The following HIVEP3 variants were observed in gnomAD, a reference collection of about 807,000 sequenced individuals.
HIVEP3 encodes transcription factor HIVEP3.
HIVEP3 carries 49 observed loss-of-function variants against 152.8 expected under a neutral mutation model. The ratio of observed to expected loss-of-function variants is 0.32; its 90% CI spans 0.26 to 0.41. HIVEP3 has a LOEUF of 0.41. HIVEP3 is among the 10% of genes least tolerant of loss of function. The probability of loss-of-function intolerance (pLI) is 1.00; values close to 1 mark genes in which losing one functional copy is unlikely to be tolerated. For synonymous variants in HIVEP3, 1,269 were observed against 1,289.0 expected (o/e 0.98, Z 0.33); for missense variants, 2,790 against 3,103.3 (o/e 0.90, Z 2.40).
intron 1 of HIVEP3, among the ~76,000 whole-genome samples, chr1:41,722,294 T>A (rs969759526): frequency 2.6e-5 from 4 of 152,236 alleles, no homozygotes; most frequent in Non-Finnish European, 4.4e-5. Flanking sequence ...AGCACAGGCC[T>A]GGGATGTAGC....
At chr1:41,932,522 T>A (rs1253113843) in intron 1 of HIVEP3, among the ~76,000 whole-genome samples, 2 of 151,900 alleles carry the variant, frequency 1.3e-5, no homozygotes, top group Non-Finnish European at 2.9e-5. Context: ...TCAGCAGTGA[T>A]GTCCCTTCTT....
intron 6 of HIVEP3, among the ~76,000 whole-genome samples, chr1:41,519,343 G>A (rs895640239): frequency 9.9e-5 from 15 of 152,174 alleles, no homozygotes; most frequent in Non-Finnish European, 1.3e-4. Flanking sequence ...TGGAATCAGG[G>A]AACAGTAGCA....
intron 3 of HIVEP3, among the ~76,000 whole-genome samples, chr1:41,623,213 G>C (rs1194712792): frequency 6.6e-6 from 1 of 152,228 alleles, no homozygotes; most frequent in Non-Finnish European, 1.5e-5. Context: ...CAGGAAGTGG[G>C]AGGCAGCAGT....
At chr1:41,858,230 C>T (rs949891241) in intron 1 of HIVEP3, among the ~76,000 whole-genome samples, 2 of 152,114 alleles carry the variant, frequency 1.3e-5, no homozygotes, top group African/African-American at 4.8e-5. Context: ...ACCTTTTCCA[C>T]CATATTGGAA....
At chr1:41,625,445 G>T (rs1373001476) in intron 3 of HIVEP3, among the ~76,000 whole-genome samples, 22 of 152,210 alleles carry the variant, frequency 1.4e-4, no homozygotes, top group Admixed American at 1.4e-3. Flanking sequence ...CAGCAGCCTG[G>T]ATTAGGCCCA....
intron 1 of HIVEP3, among the ~76,000 whole-genome samples, chr1:42,033,651 T>G (rs1645625554): frequency 6.6e-6 from 1 of 152,266 alleles, no homozygotes. Flanking sequence ...TAAGGTTTCT[T>G]GCTCAAAATC....
At chr1:41,654,870 G>T (rs1307740771) in intron 2 of HIVEP3, among the ~76,000 whole-genome samples, 1 of 152,124 alleles carries the variant, frequency 6.6e-6, no homozygotes, top group Admixed American at 6.5e-5. Flanking sequence ...TGTCCATTCT[G>T]CCCCTCATTT....
chr1:41,760,064 T>C (rs1231473058), intron 1 of HIVEP3, among the ~76,000 whole-genome samples: 1 of 152,128 alleles, frequency 6.6e-6, no homozygotes, highest in African/African-American at 2.4e-5. Context: ...TTCTAGCTAC[T>C]GGGGAGGCTG....
intron 1 of HIVEP3, among the ~76,000 whole-genome samples, chr1:42,032,050 A>T (rs1645616024): frequency 6.6e-6 from 1 of 152,190 alleles, no homozygotes; most frequent in Non-Finnish European, 1.5e-5. Context: ...CATGACATGC[A>T]CTGGCTCTCC....
intron 3 of HIVEP3, among the ~76,000 whole-genome samples, chr1:41,599,928 AAAG>A (rs1256940190): frequency 1.3e-5 from 2 of 152,214 alleles, no homozygotes; most frequent in East Asian, 3.9e-4. Flanking sequence ...ACGTTTCTCC[AAAG>A]AAGATCTACA....
chr1:41,739,547 C>A (rs773662780), intron 1 of HIVEP3, among the ~76,000 whole-genome samples: 2 of 152,160 alleles, frequency 1.3e-5, no homozygotes, highest in Non-Finnish European at 2.9e-5. Context: ...CCAGGAGTTA[C>A]CCAGCTCAGC....
At chr1:41,571,435 G>A (rs1222458080) in intron 5 of HIVEP3, among the ~76,000 whole-genome samples, 1 of 152,200 alleles carries the variant, frequency 6.6e-6, no homozygotes, top group Non-Finnish European at 1.5e-5. Flanking sequence ...CATCCCTGAT[G>A]GGCACTCCCA....
In HIVEP3 at chr1:42,005,017, G is replaced by A. The variant is rs561408786; in HGVS notation, n.119+30790C>T. 5.3e-5 allele frequency among the ~76,000 whole-genome samples: 8 copies of A among 152,200 alleles called. No individual in the cohort carries two copies. The South Asian group carries it at 6.2e-4, about 12-fold the overall frequency. ...TTCAGAGGGGACAGGAAATCCCCAC[G>A]CTGGCCTCCTTGCTGTCCTGGACAC... is the stretch of plus-strand genomic sequence containing the variant. On this transcript the variant is annotated intron_variant and non_coding_transcript_variant, in intron 1 of 3. Coordinates refer to the HIVEP3 transcript ENST00000489103.
intron 1 of HIVEP3, among the ~76,000 whole-genome samples, chr1:41,975,175 G>A (rs1010302638): frequency 6.6e-6 from 1 of 152,146 alleles, no homozygotes; most frequent in Non-Finnish European, 1.5e-5. Context: ...TGTGGGATCA[G>A]CAGGGGCCTC....
chr1:41,994,956 G>C (rs959038561), intron 1 of HIVEP3, among the ~76,000 whole-genome samples: 3 of 151,790 alleles, frequency 2.0e-5, no homozygotes, highest in African/African-American at 7.3e-5. Flanking sequence ...ATTAGAGAGA[G>C]AATTAGAAAT....
chr1:41,889,059 C>T (rs1356862938), intron 1 of HIVEP3, among the ~76,000 whole-genome samples: 6 of 149,332 alleles, frequency 4.0e-5, no homozygotes, highest in Non-Finnish European at 7.5e-5. Context: ...CACCACACAA[C>T]ACATACACCA....
chr1:41,879,771 TC>T (rs1357401896), intron 1 of HIVEP3, among the ~76,000 whole-genome samples: 14 of 152,242 alleles, frequency 9.2e-5, no homozygotes, highest in Non-Finnish European at 1.9e-4. Flanking sequence ...TGCTTCTATT[TC>T]CTCTTCTATA....
chr1:41,660,498 T>G (rs1368402817), intron 2 of HIVEP3, among the ~76,000 whole-genome samples: 1 of 152,216 alleles, frequency 6.6e-6, no homozygotes. Flanking sequence ...TACCACTAAC[T>G]ACTGGGTGAT....
chr1:42,001,375 G>A (rs982638341), intron 1 of HIVEP3, among the ~76,000 whole-genome samples: 1 of 152,192 alleles, frequency 6.6e-6, no homozygotes, highest in African/African-American at 2.4e-5. Context: ...CACTCTACTG[G>A]CATGAAAATA....
Sources: allele counts gnomAD v4.1 joint callset (sites outside exome capture counted in the v4.1 genomes callset), GRCh38; gene constraint gnomAD v4.1.1; transcripts MANE v1.5; gene names NCBI Gene and HGNC (gene_info 2026-07-23, HGNC 2026-07-21).